SETD2: variants seen among roughly 807,000 people sequenced by gnomAD.
SETD2 encodes SET domain containing 2, histone lysine methyltransferase.
Under a neutral mutation model 242.1 loss-of-function variants are expected in SETD2, and 31 were observed. The observed-to-expected ratio is 0.13, with a 90% CI of 0.10 to 0.17. The LOEUF (loss-of-function observed/expected upper bound fraction) is 0.17. SETD2 is among the 10% of genes least tolerant of loss of function. The pLI, the probability that SETD2 is intolerant of heterozygous loss-of-function variation, is 1.00. For missense variants in SETD2, 2,481 were observed against 3,046.3 expected (o/e 0.81, Z 4.37); for synonymous variants, 1,006 against 1,066.5 (o/e 0.94, Z 1.11).
chr3:47,035,650 A>G (rs2107525372), intron 18 of SETD2, among the ~76,000 whole-genome samples: 1 of 152,152 alleles, frequency 6.6e-6, no homozygotes, highest in South Asian at 2.1e-4. Flanking sequence ...CAAAAGACTG[A>G]ATCAAGATTA....
At chr3:47,092,340 G>A (rs887879984) in intron 9 of SETD2, among the ~76,000 whole-genome samples, 1 of 152,086 alleles carries the variant, frequency 6.6e-6, no homozygotes, top group Non-Finnish European at 1.5e-5. Context: ...TGGGAAGACT[G>A]AGTTTGTCTC....
chr3:47,046,097 G>A (rs1391359803), intron 16 of SETD2, among the ~76,000 whole-genome samples: 1 of 151,878 alleles, frequency 6.6e-6, no homozygotes, highest in Non-Finnish European at 1.5e-5. Flanking sequence ...CAGCACTTTG[G>A]GAGGCTGAGG....
At chr3:47,073,145 C>A (rs1386269798) in intron 12 of SETD2, among the ~76,000 whole-genome samples, 4 of 93,566 alleles carry the variant, frequency 4.3e-5, no homozygotes, top group African/African-American at 5.2e-5. Context: ...AGTGACATTC[C>A]ATCTCAAAAA....
intron 9 of SETD2, among the ~76,000 whole-genome samples, chr3:47,096,266 T>A (rs2042002380): frequency 6.6e-6 from 1 of 152,198 alleles, no homozygotes; most frequent in African/African-American, 2.4e-5. Flanking sequence ...GACACTATAA[T>A]CTCTCTGTGC....
intron 18 of SETD2, among the ~76,000 whole-genome samples, chr3:47,025,419 TAGA>T (rs1295911713): frequency 1.3e-5 from 2 of 152,222 alleles, no homozygotes; most frequent in Admixed American, 6.5e-5. Flanking sequence ...CCCATTTCAC[TAGA>T]AGGACACACA....
At chr3:47,046,656 C>T (rs1290130393) in intron 15 of SETD2, 35 bp from the exon 16 acceptor site, 3 of 1,584,966 alleles carry the variant, frequency 1.9e-6, no homozygotes, top group Non-Finnish European at 1.7e-6. Flanking sequence ...ATAATTTAAG[C>T]TTTTGTCACT....
intron 14 of SETD2, among the ~76,000 whole-genome samples, chr3:47,058,400 C>T (rs1345282670): frequency 8.0e-6 from 1 of 125,612 alleles, no homozygotes; most frequent in Non-Finnish European, 1.6e-5. Flanking sequence ...GAGACTACGC[C>T]ACTGCACTCC....
chr3:47,053,941 G>A (rs1484682979), intron 15 of SETD2, among the ~76,000 whole-genome samples: 1 of 152,140 alleles, frequency 6.6e-6, no homozygotes, highest in African/African-American at 2.4e-5. Flanking sequence ...AAACCATTCT[G>A]AGGCATTCTG....
chr3:47,060,037 G>A (rs532893148), intron 14 of SETD2, among the ~76,000 whole-genome samples: 64 of 152,192 alleles, frequency 4.2e-4, no homozygotes, highest in African/African-American at 1.4e-3. Context: ...CACCAGCCTC[G>A]AGACCCAGGA....
chr3:47,099,658 G>C (rs1329449571), intron 8 of SETD2, among the ~76,000 whole-genome samples: 2 of 152,138 alleles, frequency 1.3e-5, no homozygotes, highest in African/African-American at 2.4e-5. Context: ...GGCCCAGGCT[G>C]GACTGTAGTA....
intron 17 of SETD2, 23 bp downstream of exon 17, chr3:47,042,538 A>T (rs2107539013): frequency 6.2e-7 from 1 of 1,613,304 alleles, no homozygotes; most frequent in South Asian, 1.1e-5. Context: ...CAGACATGGG[A>T]ACGCCCATAC....
intron 18 of SETD2, among the ~76,000 whole-genome samples, chr3:47,030,444 C>T (rs1041708579): frequency 6.6e-6 from 1 of 152,032 alleles, no homozygotes; most frequent in Non-Finnish European, 1.5e-5. Context: ...CTCTGTGAGA[C>T]AGTATCAAGC....
intron 18 of SETD2, among the ~76,000 whole-genome samples, chr3:47,033,047 A>T (rs1427175701): frequency 2.0e-5 from 3 of 152,198 alleles, no homozygotes. Context: ...ACTAAAAAAA[A>T]ATTCAAAGGT....
chr3:47,034,210 T>A (rs1248746731), intron 18 of SETD2, among the ~76,000 whole-genome samples: 1 of 152,222 alleles, frequency 6.6e-6, no homozygotes, highest in Non-Finnish European at 1.5e-5. Flanking sequence ...GCCTCTCCAA[T>A]CTTCTCTAAC....
intron 18 of SETD2, among the ~76,000 whole-genome samples, chr3:47,036,670 A>G (rs532115890): frequency 1.3e-5 from 2 of 152,080 alleles, no homozygotes; most frequent in African/African-American, 4.8e-5. Context: ...CAGGAGGCCA[A>G]GGCAGGCAGA....
chr3:47,045,025 T>C (rs576533710), intron 16 of SETD2, among the ~76,000 whole-genome samples: 3 of 152,312 alleles, frequency 2.0e-5, no homozygotes, highest in African/African-American at 7.2e-5. Context: ...ATACTTCTGG[T>C]CCCGTGAAGC....
chr3:47,060,020 G>A (rs1054287859), intron 14 of SETD2, among the ~76,000 whole-genome samples: 5 of 152,046 alleles, frequency 3.3e-5, no homozygotes, highest in African/African-American at 1.2e-4. Flanking sequence ...CCTGACCTTA[G>A]GTGATCCACC....
rs2107695742 is a variant in SETD2, at chr3:47,105,981, T to C, written c.4839+16A>G. 6.2e-7 allele frequency: 1 copy of C among 1,603,294 alleles called. No individual in the cohort carries two copies. The highest frequency in any genetic ancestry group is 8.5e-7 in the Non-Finnish European group (1 of 1,173,550). Reference sequence around the variant, plus strand: ...TAACAGATCTGTTTCAAGGCAAACATATCCAAGCTGCTTACCTCATCATTC... The same window carrying C: ...TAACAGATCTGTTTCAAGGCAAACACATCCAAGCTGCTTACCTCATCATTC... On this transcript the variant is annotated intron_variant, in intron 6 of 20. Transcript: ENST00000409792.
chr3:47,048,021 A>C (rs564658896), intron 15 of SETD2, among the ~76,000 whole-genome samples: 14 of 152,328 alleles, frequency 9.2e-5, no homozygotes, highest in Admixed American at 2.6e-4. Flanking sequence ...TCTGTAATAA[A>C]GACTTGTAAG....
Sources: allele counts gnomAD v4.1 joint callset (sites outside exome capture counted in the v4.1 genomes callset), GRCh38; gene constraint gnomAD v4.1.1; transcripts MANE v1.5; gene names NCBI Gene and HGNC (gene_info 2026-07-23, HGNC 2026-07-21).